Variants in HSD17B12 observed in about 807,000 individuals in gnomAD.
HSD17B12 encodes the protein hydroxysteroid 17-beta dehydrogenase 12.
In HSD17B12, 32 loss-of-function variants were observed where a neutral mutation model predicts 39.3. The observed-to-expected ratio is 0.81, with a 90% CI of 0.61 to 1.09. The LOEUF (loss-of-function observed/expected upper bound fraction) is 1.09, where lower values mean the gene tolerates loss of function less well. Among genes scored for constraint, HSD17B12 ranks in the 50% least tolerant of loss-of-function variants. HSD17B12 has a pLI of 0.00. For missense variants in HSD17B12, 342 were observed against 382.9 expected, an observed-to-expected ratio of 0.89 and a Z score of 0.89; for synonymous variants, 150 against 146.7, an observed-to-expected ratio of 1.02 and a Z score of -0.16.
intron 1 of HSD17B12, among the ~76,000 whole-genome samples, chr11:43,698,757 C>CAGT (rs1949935888): frequency 6.6e-6 from 1 of 152,172 alleles, no homozygotes; most frequent in Non-Finnish European, 1.5e-5. Flanking sequence ...TGGGCCTTTT[C>CAGT]CCCTCTTCAC....
the HSD17B12 span, among the ~76,000 whole-genome samples, chr11:43,558,528 C>T: frequency 6.6e-6 from 1 of 152,096 alleles, no homozygotes; most frequent in Non-Finnish European, 1.5e-5. Context: ...CACCTCCACT[C>T]TGAAGAGCAG....
At chr11:43,694,614 G>A (rs1025531427) in intron 1 of HSD17B12, among the ~76,000 whole-genome samples, 7 of 152,018 alleles carry the variant, frequency 4.6e-5, no homozygotes, top group Non-Finnish European at 1.0e-4. Flanking sequence ...TTTGAGCCCC[G>A]GAGATTGAGG....
At chr11:43,654,239 G>A in the HSD17B12 span, among the ~76,000 whole-genome samples, 2 of 152,140 alleles carry the variant, frequency 1.3e-5, no homozygotes. Flanking sequence ...TTTTGATGGG[G>A]TTGTTTGCTT....
chr11:43,739,439 A>C (rs969629207), intron 1 of HSD17B12, among the ~76,000 whole-genome samples: 2 of 152,244 alleles, frequency 1.3e-5, no homozygotes, highest in African/African-American at 4.8e-5. Flanking sequence ...ACAGTTTTGC[A>C]TGCCAGGAAG....
intron 3 of HSD17B12, among the ~76,000 whole-genome samples, chr11:43,792,706 A>G (rs948552801): frequency 6.9e-5 from 3 of 43,608 alleles, no homozygotes; most frequent in African/African-American, 1.5e-4. Context: ...TTTTTTTTTG[A>G]GAGCTGGAGT....
the HSD17B12 span, among the ~76,000 whole-genome samples, chr11:43,615,827 A>G: frequency 6.6e-6 from 1 of 152,202 alleles, no homozygotes; most frequent in Non-Finnish European, 1.5e-5. Flanking sequence ...TCTCTCTTAG[A>G]TGGCTATAGA....
the HSD17B12 span, among the ~76,000 whole-genome samples, chr11:43,610,190 T>C: frequency 6.6e-6 from 1 of 152,198 alleles, no homozygotes; most frequent in Non-Finnish European, 1.5e-5. Flanking sequence ...AAATATAGTT[T>C]AAAAAATGGT....
chr11:43,847,809 T>C (rs1413403722), intron 9 of HSD17B12, among the ~76,000 whole-genome samples: 2 of 151,954 alleles, frequency 1.3e-5, no homozygotes, highest in African/African-American at 4.8e-5. Context: ...TTGGTGGTTT[T>C]GTTAGTTCAG....
chr11:43,646,822 G>T, the HSD17B12 span, among the ~76,000 whole-genome samples: 3 of 152,140 alleles, frequency 2.0e-5, no homozygotes, highest in Non-Finnish European at 4.4e-5. Context: ...CAATTCTGAT[G>T]CTGGTGTGAA....
the HSD17B12 span, among the ~76,000 whole-genome samples, chr11:43,668,748 G>T: frequency 1.3e-5 from 2 of 152,010 alleles, no homozygotes; most frequent in East Asian, 1.9e-4. Context: ...TGTCACTCTG[G>T]CTGGAATGCA....
the HSD17B12 span, among the ~76,000 whole-genome samples, chr11:43,670,684 A>T: frequency 1.3e-5 from 2 of 152,168 alleles, no homozygotes; most frequent in Non-Finnish European, 2.9e-5. Context: ...TGAGCCCAGG[A>T]GTTGGAGACC....
At chr11:43,717,771 A>G (rs548821014) in intron 1 of HSD17B12, among the ~76,000 whole-genome samples, 22 of 150,026 alleles carry the variant, frequency 1.5e-4, no homozygotes, top group Non-Finnish European at 1.5e-4. Flanking sequence ...TCTGAAAGTT[A>G]TACACTGTCA....
intron 1 of HSD17B12, chr11:43,733,971 C>G: frequency 1.4e-6 from 1 of 711,344 alleles, no homozygotes; most frequent in Non-Finnish European, 2.6e-6. Flanking sequence ...CTGTTCTCGA[C>G]CACGTAATGC....
chr11:43,595,674 G>A, the HSD17B12 span, among the ~76,000 whole-genome samples: 1 of 152,086 alleles, frequency 6.6e-6, no homozygotes. Context: ...AAAAAAAATG[G>A]TAATCCCCGG....
intron 1 of HSD17B12, among the ~76,000 whole-genome samples, chr11:43,708,599 T>C (rs1219373121): frequency 6.6e-6 from 1 of 152,222 alleles, no homozygotes; most frequent in Non-Finnish European, 1.5e-5. Flanking sequence ...CACCACATTC[T>C]CATGGAGATG....
intron 1 of HSD17B12, among the ~76,000 whole-genome samples, chr11:43,739,358 A>G (rs1490935995): frequency 6.6e-6 from 1 of 152,236 alleles, no homozygotes; most frequent in Non-Finnish European, 1.5e-5. Context: ...AGGGAAACAC[A>G]GCTAGAAGTG....
chr11:43,724,631 G>A (rs138445802), intron 1 of HSD17B12, among the ~76,000 whole-genome samples: 56 of 152,240 alleles, frequency 3.7e-4, no homozygotes, highest in Non-Finnish European at 7.1e-4. Flanking sequence ...ATGGCAGAGG[G>A]GGCAAATGAG....
chr11:43,744,232 A>C (rs1950393936), intron 1 of HSD17B12, among the ~76,000 whole-genome samples: 1 of 152,176 alleles, frequency 6.6e-6, no homozygotes, highest in South Asian at 2.1e-4. Context: ...TTCAGAACTG[A>C]AGATCATGAA....
intron 3 of HSD17B12, among the ~76,000 whole-genome samples, chr11:43,761,050 G>A (rs1023241699): frequency 2.0e-5 from 3 of 151,748 alleles, no homozygotes; most frequent in Non-Finnish European, 4.4e-5. Context: ...TGTACTGCCT[G>A]TAAGACAGAC....
Sources: gnomAD v4.1 joint callset for allele counts (sites outside exome capture counted in the v4.1 genomes callset) on GRCh38, gnomAD v4.1.1 for gene constraint, MANE v1.5 for transcripts, NCBI Gene and HGNC (gene_info 2026-07-23, HGNC 2026-07-21) for gene names.